Variants in PRKAB2 observed in about 807,000 individuals in gnomAD.
The protein encoded by PRKAB2 is protein kinase AMP-activated non-catalytic subunit beta 2, also known as 5'-AMP-activated protein kinase subunit beta-2.
PRKAB2 carries 18 observed loss-of-function variants against 29.8 expected under a neutral mutation model. The observed-to-expected ratio is 0.60, with a 90% CI of 0.42 to 0.89. The LOEUF (loss-of-function observed/expected upper bound fraction) is 0.89. Ranked by LOEUF, PRKAB2 falls within the 40% of genes least tolerant of loss-of-function variation. The probability of loss-of-function intolerance (pLI) is 0.00; values close to 1 mark genes in which losing one functional copy is unlikely to be tolerated. For synonymous variants in PRKAB2, 136 were observed against 125.9 expected, an observed-to-expected ratio of 1.08 and a Z score of -0.54; for missense variants, 270 against 344.3, an observed-to-expected ratio of 0.78 and a Z score of 1.71.
At chr1:147,161,843 C>A in intron 6 of PRKAB2, 63 bp from the exon 7 acceptor site, 2 of 1,325,760 alleles carry the variant, frequency 1.5e-6, no homozygotes, top group South Asian at 2.7e-5. Context: ...ACAGACAAAC[C>A]AAACAGCTTA....
At position 147,155,647 on chromosome 1, in the gene PRKAB2, T is replaced by C. The variant is rs1653634895; in HGVS notation, c.*3918A>G. ...TTTAACCTGACACCTACAAAATCCA[T>C]AGTGTTTAGTATTTCACACCAATCT... On this transcript the variant is annotated 3_prime_UTR_variant, in exon 8 of 8. Transcript: ENST00000254101. The C allele has an allele frequency of 6.6e-6, 1 of 152,572 alleles. No homozygotes were observed. The allele number at this position is 152,572 out of a possible 1,614,324, so 9.5% of individuals were successfully genotyped here.
chr1:147,172,164 C>A lies in PRKAB2; in HGVS notation c.-20G>T. On this transcript the variant is annotated 5_prime_UTR_variant, in exon 2 of 8. Coordinates refer to ENST00000254101, the MANE Select transcript of PRKAB2 (RefSeq NM_005399.5). Reference sequence around the variant, plus strand: ...TCCCATGGCTGCAGCTCGTCGGGGACCACCTACCGCGGGGAACGACACCGG... The same window carrying A: ...TCCCATGGCTGCAGCTCGTCGGGGAACACCTACCGCGGGGAACGACACCGG... The A allele has an allele frequency of 6.5e-7, 1 of 1,536,824 alleles. No individual in the cohort carries two copies. The highest frequency in any genetic ancestry group is 8.8e-7 in the Non-Finnish European group (1 of 1,141,420).
chr1:147,159,634 C>T lies in PRKAB2; in HGVS notation c.750G>A (p.Val250=). 1 of 1,613,384 alleles carries T rather than the reference C, an allele frequency of 6.2e-7. No homozygotes were observed. Among genetic ancestry groups the T allele is most frequent in the Non-Finnish European group, 8.5e-7 (1 of 1,179,550 alleles). Residue 250 remains valine (V), a synonymous_variant, in exon 8 of 8, where the codon GTG becomes GTA. Coordinates refer to ENST00000254101, the MANE Select transcript of PRKAB2 (RefSeq NM_005399.5). ...AGCGATGGGTTGCGCTAAGGACCATCACACTGTCCTGCAAGGAAAAGAAAC... is the reference window on the plus strand; with the variant it reads ...AGCGATGGGTTGCGCTAAGGACCATTACACTGTCCTGCAAGGAAAAGAAAC... The part of the protein sequence containing the change: ...HLYALSIKDS[V]MVLSATHRYK...
At chr1:147,166,766 C>G (rs1465030285) in intron 4 of PRKAB2, 80 bp downstream of exon 4, 21 of 1,548,856 alleles carry the variant, frequency 1.4e-5, no homozygotes, top group Non-Finnish European at 1.8e-5. Flanking sequence ...AGGGGAGCAG[C>G]TGCCCATCAG....
rs189347102 is a variant in PRKAB2, at chr1:147,159,015, G to A, written c.*550C>T. 2 of 152,572 alleles carry A rather than the reference G, an allele frequency of 1.3e-5. No homozygotes were observed. Among genetic ancestry groups the A allele is most frequent in the Admixed American group, 6.5e-5 (1 of 15,320 alleles). 9.5% of individuals were successfully genotyped at this position (152,572 alleles called of 1,614,324 possible). A position where few individuals can be genotyped will look rare whatever the true frequency, so the allele number is the denominator to read the frequency against. On this transcript the variant is annotated 3_prime_UTR_variant, in exon 8 of 8. Transcript: ENST00000254101. ...AAGAATGTGAAATGAGAGGAATAAG[G>A]GTTCTTGTGGGGCATCTGGTATCAT...
chr1:147,159,616 G>C lies in PRKAB2; in HGVS notation c.768C>G (p.Thr256=). Residue 256 remains threonine (T), a synonymous_variant, in exon 8 of 8, where the codon ACC becomes ACG. Coordinates refer to ENST00000254101, the MANE Select transcript of PRKAB2 (RefSeq NM_005399.5). ...TAACATACTTCTTCTTGTAGCGATG[G>C]GTTGCGCTAAGGACCATCACACTGT... ...IKDSVMVLSA[T]HRYKKKYVTT... is the part of the protein sequence containing the mutation. 1 of 1,613,482 alleles carries C rather than the reference G, an allele frequency of 6.2e-7. No individual in the cohort carries two copies. The highest frequency in any genetic ancestry group is 1.1e-5 in the South Asian group (1 of 91,040).
intron 5 of PRKAB2, among the ~76,000 whole-genome samples, 157 bp downstream of exon 5, chr1:147,166,341 C>T (rs1553913671): frequency 6.6e-6 from 1 of 151,990 alleles, no homozygotes; most frequent in Non-Finnish European, 1.5e-5. Flanking sequence ...AAATAAGAGA[C>T]CTAAATGTTT....
chr1:147,169,796 A>T (rs1278463310), intron 2 of PRKAB2, among the ~76,000 whole-genome samples: 3 of 152,208 alleles, frequency 2.0e-5, no homozygotes, highest in Non-Finnish European at 4.4e-5. Context: ...AAGTGTTTCA[A>T]ATTTTCCAAA....
rs1553912548 is a variant in PRKAB2, at chr1:147,157,297, C to G, written c.*2268G>C. 1 of 152,102 alleles carries G rather than the reference C, an allele frequency of 6.6e-6. No homozygotes were observed. Among genetic ancestry groups the G allele is most frequent in the African/African-American group, 2.4e-5 (1 of 41,410 alleles). 9.4% of individuals were successfully genotyped at this position (152,102 alleles called of 1,614,324 possible). A position where few individuals can be genotyped will look rare whatever the true frequency, so the allele number is the denominator to read the frequency against. On this transcript the variant is annotated 3_prime_UTR_variant, in exon 8 of 8. Coordinates refer to ENST00000254101, the MANE Select transcript of PRKAB2 (RefSeq NM_005399.5). ...GGACAGTGCTGAATGAGTCAGCACC[C>G]AGTGCCTCCTACCCATTCCCTTCTA...
intron 2 of PRKAB2, 67 bp from the exon 3 acceptor site, chr1:147,168,000 C>T: frequency 6.6e-7 from 1 of 1,519,450 alleles, no homozygotes; most frequent in Non-Finnish European, 8.9e-7. Flanking sequence ...GGTCACTCTC[C>T]TCCCTAGGAT....
intron 3 of PRKAB2, 56 bp downstream of exon 3, chr1:147,167,711 A>C: frequency 6.4e-7 from 1 of 1,558,094 alleles, no homozygotes; most frequent in Admixed American, 1.9e-5. Context: ...CTCTTCTGAG[A>C]AAAGAAATCA....
rs1361038188 is a variant in PRKAB2, at chr1:147,172,129, T to C, written c.16A>G (p.Ser6Gly). 1.3e-6 allele frequency: 2 copies of C among 1,551,054 alleles called. No individual in the cohort carries two copies. The highest frequency in any genetic ancestry group is 2.7e-5 in the African/African-American group (2 of 73,020). Reference protein sequence around the residue: MGNTTSDRVSGERHGA... With the variant: MGNTTGDRVSGERHGA... ...TGGCGCTCCCCGGACACCCGGTCGC[T>C]GGTGGTGTTTCCCATGGCTGCAGCT... is the stretch of plus-strand genomic sequence containing the variant. The change falls in exon 2 of 8, where the codon AGC becomes GGC. Residue 6 changes from serine (S) to glycine (G), a missense_variant. By Grantham distance (56) the Ser-to-Gly change is moderately conservative (BLOSUM62 0). Around this residue, in one of 2 missense-constraint regions of PRKAB2, gnomAD observed 228 missense variants for 255.5 expected, o/e 0.89. Coordinates refer to ENST00000254101, the MANE Select transcript of PRKAB2 (RefSeq NM_005399.5).
chr1:147,160,590 A>G (rs587647846), intron 7 of PRKAB2, among the ~76,000 whole-genome samples: 2 of 152,192 alleles, frequency 1.3e-5, no homozygotes, highest in African/African-American at 4.8e-5. Flanking sequence ...TCGGGTTAAC[A>G]CTCCAGAGTC....
chr1:147,171,964 C>T (rs1553914459), intron 2 of PRKAB2, 25 bp downstream of exon 2: 1 of 1,592,308 alleles, frequency 6.3e-7, no homozygotes, highest in South Asian at 1.1e-5. Context: ...AGTACTGACA[C>T]CAACTGCGGG....
intron 3 of PRKAB2, among the ~76,000 whole-genome samples, 187 bp downstream of exon 3, chr1:147,167,580 T>TA (rs1412519809): frequency 6.6e-6 from 1 of 151,916 alleles, no homozygotes; most frequent in African/African-American, 2.4e-5. Flanking sequence ...TTCTAAAGGG[T>TA]AAAACATCTC....
At chr1:147,170,276 A>G (rs1654451888) in intron 2 of PRKAB2, among the ~76,000 whole-genome samples, 1 of 152,212 alleles carries the variant, frequency 6.6e-6, no homozygotes. Flanking sequence ...TAATTCACAA[A>G]TGCCAAGACT....
chr1:147,160,541 T>C (rs1553912943), intron 7 of PRKAB2, among the ~76,000 whole-genome samples: 1 of 152,194 alleles, frequency 6.6e-6, no homozygotes, highest in Admixed American at 6.5e-5. Flanking sequence ...TGTATCCTTC[T>C]ACCTTCCCCC....
At chr1:147,168,750 T>G (rs1553913986) in intron 2 of PRKAB2, among the ~76,000 whole-genome samples, 2 of 152,232 alleles carry the variant, frequency 1.3e-5, no homozygotes, top group Non-Finnish European at 2.9e-5. Context: ...GCCAGATGCT[T>G]TTATCAAGTG....
intron 2 of PRKAB2, among the ~76,000 whole-genome samples, chr1:147,170,005 C>A (rs1553914148): frequency 6.6e-6 from 1 of 152,088 alleles, no homozygotes; most frequent in Non-Finnish European, 1.5e-5. Flanking sequence ...TGGAGGAAAG[C>A]CCTTCCACTT....
Sources: allele counts gnomAD v4.1 joint callset (sites outside exome capture counted in the v4.1 genomes callset), GRCh38; gene constraint gnomAD v4.1.1; regional missense constraint gnomAD v4.1.1; transcripts MANE v1.5; gene names NCBI Gene and HGNC (gene_info 2026-07-23, HGNC 2026-07-21).